PDE4B: variants seen among roughly 807,000 people sequenced by gnomAD.
PDE4B encodes the protein 3',5'-cyclic-AMP phosphodiesterase 4B.
A neutral mutation model predicts 82.2 loss-of-function variants in PDE4B; 20 were observed. The ratio of observed to expected loss-of-function variants is 0.24; its 90% CI spans 0.17 to 0.35. The LOEUF is 0.35. Ranked by LOEUF, PDE4B falls within the 10% of genes least tolerant of loss-of-function variation. PDE4B has a pLI of 1.00. For missense variants in PDE4B, 655 were observed against 907.2 expected (o/e 0.72, Z 3.57); for synonymous variants, 320 against 318.9 (o/e 1.00, Z -0.04).
chr1:66,020,864 A>G (rs1653063284), intron 3 of PDE4B, among the ~76,000 whole-genome samples: 1 of 152,180 alleles, frequency 6.6e-6, no homozygotes, highest in Non-Finnish European at 1.5e-5. Flanking sequence ...TGGTATTTCT[A>G]GTTCTAGATC....
intron 3 of PDE4B, among the ~76,000 whole-genome samples, chr1:65,940,729 C>A (rs1418026171): frequency 1.3e-5 from 2 of 152,004 alleles, no homozygotes; most frequent in Non-Finnish European, 1.5e-5. Flanking sequence ...TGAAAACACT[C>A]AGGGAAATAT....
chr1:66,162,663 A>C (rs1483130660), intron 3 of PDE4B, among the ~76,000 whole-genome samples: 1 of 152,150 alleles, frequency 6.6e-6, no homozygotes, highest in East Asian at 1.9e-4. Context: ...AAATTTAAAA[A>C]TCTGAAGCTC....
chr1:66,027,851 C>A (rs9659943), intron 3 of PDE4B, among the ~76,000 whole-genome samples: 46,853 of 152,116 alleles, frequency 0.31, 7,496 homozygotes, highest in Middle Eastern at 0.43. Context: ...TGGTCTTGGG[C>A]AGCTTCACCC....
chr1:66,186,848 G>T (rs7546655), intron 3 of PDE4B, among the ~76,000 whole-genome samples: 76,588 of 151,848 alleles, frequency 0.5, 19,982 homozygotes, highest in South Asian at 0.63. Context: ...CTAATTGCCC[G>T]GGCCAGAGCT....
chr1:65,997,732 G>A (rs1651630856), intron 3 of PDE4B, among the ~76,000 whole-genome samples: 1 of 152,122 alleles, frequency 6.6e-6, no homozygotes, highest in Admixed American at 6.6e-5. Context: ...CTCTGATCTG[G>A]GCTTAGGAGA....
chr1:66,308,126 C>A (rs756028855), intron 7 of PDE4B, among the ~76,000 whole-genome samples: 1 of 152,088 alleles, frequency 6.6e-6, no homozygotes, highest in East Asian at 1.9e-4. Context: ...CTTTTTCAAA[C>A]CCTGCCTTGC....
intron 3 of PDE4B, among the ~76,000 whole-genome samples, chr1:66,051,147 T>C (rs905023014): frequency 6.6e-6 from 1 of 152,118 alleles, no homozygotes; most frequent in Admixed American, 6.6e-5. Flanking sequence ...TTATGGCACA[T>C]GTATACATAT....
At chr1:66,335,102 A>C (rs1186585449) in intron 8 of PDE4B, among the ~76,000 whole-genome samples, 1 of 152,148 alleles carries the variant, frequency 6.6e-6, no homozygotes, top group African/African-American at 2.4e-5. Flanking sequence ...TCCCTTTACT[A>C]TGTAGTCTTA....
Position 66,300,033 on chromosome 1 carries a change from C to T in PDE4B, c.635-32475C>T, listed in dbSNP as rs1210679553. Among the ~76,000 whole-genome samples the T allele has an allele frequency of 3.3e-5, 5 of 152,040 alleles. 1 individual carries two copies. The highest frequency in any genetic ancestry group is 3.3e-4 in the Admixed American group (5 of 15,254). On this transcript the variant is annotated intron_variant, in intron 7 of 16. Coordinates refer to ENST00000341517, the MANE Select transcript of PDE4B (RefSeq NM_002600.4). ...AAAATGCATATTGGAAAAATTGGCA[C>T]TATTGCACAAACACAGACATCTAGG... is the stretch of plus-strand genomic sequence containing the variant.
At chr1:66,170,301 G>A (rs1368156915) in intron 3 of PDE4B, among the ~76,000 whole-genome samples, 1 of 152,084 alleles carries the variant, frequency 6.6e-6, no homozygotes. Context: ...AAAATGTTTA[G>A]GGAAAATACT....
At chr1:66,124,363 T>A (rs1645775653) in intron 3 of PDE4B, among the ~76,000 whole-genome samples, 1 of 152,194 alleles carries the variant, frequency 6.6e-6, no homozygotes, top group Admixed American at 6.5e-5. Context: ...ATATAAAAAT[T>A]CTGGTTCTAG....
At chr1:65,911,351 C>T (rs527592918) in intron 1 of PDE4B, among the ~76,000 whole-genome samples, 8 of 152,264 alleles carry the variant, frequency 5.3e-5, no homozygotes, top group Admixed American at 4.6e-4. Context: ...CTTCTATAAC[C>T]CTTATTCCAT....
At chr1:66,210,080 C>A (rs1321626163) in intron 3 of PDE4B, among the ~76,000 whole-genome samples, 2 of 152,114 alleles carry the variant, frequency 1.3e-5, no homozygotes, top group Admixed American at 1.3e-4. Context: ...GTTCTTCATA[C>A]AAGAACTCTA....
At chr1:66,064,900 C>G (rs1239858402) in intron 3 of PDE4B, among the ~76,000 whole-genome samples, 2 of 151,854 alleles carry the variant, frequency 1.3e-5, no homozygotes, top group Non-Finnish European at 2.9e-5. Context: ...ATAGTCTTTT[C>G]CCCTAAACTA....
At chr1:66,007,183 G>T (rs1652197560) in intron 3 of PDE4B, among the ~76,000 whole-genome samples, 1 of 152,052 alleles carries the variant, frequency 6.6e-6, no homozygotes, top group Non-Finnish European at 1.5e-5. Context: ...GGTGGCTCAT[G>T]CCTGTAATCC....
At chr1:66,211,664 T>C (rs1650062735) in intron 3 of PDE4B, among the ~76,000 whole-genome samples, 1 of 152,252 alleles carries the variant, frequency 6.6e-6, no homozygotes, top group Non-Finnish European at 1.5e-5. Context: ...GGTTTATAAA[T>C]AAACTGTAAC....
intron 3 of PDE4B, among the ~76,000 whole-genome samples, chr1:66,075,001 G>C (rs1423439539): frequency 6.6e-6 from 1 of 151,992 alleles, no homozygotes; most frequent in Non-Finnish European, 1.5e-5. Context: ...GCCCAGGAAA[G>C]AATTCAAGGG....
At chr1:65,910,203 C>G (rs555210978) in intron 1 of PDE4B, among the ~76,000 whole-genome samples, 4 of 152,286 alleles carry the variant, frequency 2.6e-5, no homozygotes, top group Admixed American at 2.0e-4. Context: ...GGTAAATCCT[C>G]CATCTCTGTT....
At chr1:66,243,492 G>T (rs1653050269) in intron 3 of PDE4B, among the ~76,000 whole-genome samples, 1 of 152,182 alleles carries the variant, frequency 6.6e-6, no homozygotes, top group Non-Finnish European at 1.5e-5. Flanking sequence ...AAACAGAATT[G>T]CAAGTACTGT....
Sources: gnomAD v4.1 joint callset for allele counts (sites outside exome capture counted in the v4.1 genomes callset) on GRCh38, gnomAD v4.1.1 for gene constraint, MANE v1.5 for transcripts, NCBI Gene and HGNC (gene_info 2026-07-23, HGNC 2026-07-21) for gene names.